The following CTCF variants were observed in gnomAD, a reference collection of about 807,000 sequenced individuals.
CTCF encodes the protein CCCTC-binding factor.
A neutral mutation model predicts 72.3 loss-of-function variants in CTCF; 7 were observed. The ratio of observed to expected loss-of-function variants is 0.10; its 90% CI spans 0.06 to 0.18. The LOEUF (loss-of-function observed/expected upper bound fraction) is 0.18, where lower values mean the gene tolerates loss of function less well. CTCF is among the 10% of genes least tolerant of loss of function. The pLI is 1.00. For missense variants in CTCF, 516 were observed against 949.1 expected, an observed-to-expected ratio of 0.54 and a Z score of 6.00; for synonymous variants, 374 against 315.8, an observed-to-expected ratio of 1.18 and a Z score of -1.95.
chr16:67,573,082 C>G (rs1199475991), intron 2 of CTCF, among the ~76,000 whole-genome samples: 9 of 151,734 alleles, frequency 5.9e-5, no homozygotes, highest in Non-Finnish European at 1.3e-4. Flanking sequence ...GAAACCCCGT[C>G]TCTACTAAAA....
intron 1 of CTCF, among the ~76,000 whole-genome samples, chr16:67,567,677 A>G (rs1340858200): frequency 6.6e-6 from 1 of 150,762 alleles, no homozygotes; most frequent in Non-Finnish European, 1.5e-5. Flanking sequence ...TGCAGCCTTG[A>G]ACTCCTGGGC....
chr16:67,588,697 A>AT (rs2051699902), intron 2 of CTCF, among the ~76,000 whole-genome samples: 2 of 151,772 alleles, frequency 1.3e-5, no homozygotes, highest in African/African-American at 2.4e-5. Flanking sequence ...AATAATATAT[A>AT]TTTTTTTGAT....
intron 7 of CTCF, among the ~76,000 whole-genome samples, chr16:67,623,097 G>T (rs1318252266): frequency 2.0e-5 from 3 of 150,142 alleles, no homozygotes; most frequent in African/African-American, 7.4e-5. Context: ...AAGTGGCTGG[G>T]ACTACAGGTG....
At chr16:67,585,760 A>G (rs942803410) in intron 2 of CTCF, among the ~76,000 whole-genome samples, 70 of 152,306 alleles carry the variant, frequency 4.6e-4, no homozygotes, top group African/African-American at 1.6e-3. Flanking sequence ...AACAGAAGAT[A>G]TCCTAATTCT....
At position 67,611,203 on chromosome 16, in the gene CTCF, T is replaced by C. The variant is rs759539606; in HGVS notation, c.371T>C (p.Val124Ala). The C allele has an allele frequency of 6.2e-7, 1 of 1,614,188 alleles. No individual in the cohort carries two copies. Among genetic ancestry groups the C allele is most frequent in the South Asian group, 1.1e-5 (1 of 91,080 alleles). ...QLVQVPVPVT[V>A]PVATTSVEEL... ...GTTCAAGTACCTGTTCCTGTGACTG[T>C]ACCTGTTGCTACCACTTCAGTAGAA... Residue 124 changes from valine (V) to alanine (A), a missense_variant, in exon 3 of 12, where the codon GTA becomes GCA. By Grantham distance (64) the Val-to-Ala change is moderately conservative. Transcript: ENST00000264010.
chr16:67,566,987 C>T (rs1270604685), intron 1 of CTCF, among the ~76,000 whole-genome samples: 2 of 152,018 alleles, frequency 1.3e-5, no homozygotes, highest in Non-Finnish European at 2.9e-5. Context: ...ATGATCCTGC[C>T]ACCTCAGCCT....
Position 67,620,841 on chromosome 16 carries a change from G to A in CTCF, c.1207+24G>A, listed in dbSNP as rs778350592. 12 of 1,530,034 alleles carry A rather than the reference G, an allele frequency of 7.8e-6. No homozygotes were observed. In the South Asian group the frequency reaches 1.4e-4, roughly 17 times the overall value. The allele number at this position is 1,530,034 out of a possible 1,614,324, so 94.8% of individuals were successfully genotyped here. On this transcript the variant is annotated intron_variant, in intron 6 of 11. Transcript: ENST00000264010. ...AGGTAGGACTTCTCCACTCCTTACT[G>A]TATTAATGAGCTTCTTTTCAGTGAA...
chr16:67,623,676 G>A (rs563152931), intron 7 of CTCF, among the ~76,000 whole-genome samples: 2 of 151,370 alleles, frequency 1.3e-5, no homozygotes, highest in South Asian at 2.1e-4. Context: ...GCTCACACCT[G>A]TAGTTTCAGC....
chr16:67,624,004 C>T (rs1031827237), intron 7 of CTCF, among the ~76,000 whole-genome samples: 9 of 146,492 alleles, frequency 6.1e-5, no homozygotes, highest in East Asian at 2.0e-4. Context: ...GCGGAGATCG[C>T]GCCACGGCAC....
intron 5 of CTCF, among the ~76,000 whole-genome samples, chr16:67,619,943 A>AG (rs1255786656): frequency 6.6e-6 from 1 of 152,086 alleles, no homozygotes; most frequent in Non-Finnish European, 1.5e-5. Flanking sequence ...GGTATCCTGC[A>AG]GGGGACTAAA....
intron 2 of CTCF, among the ~76,000 whole-genome samples, chr16:67,574,045 T>G (rs575960293): frequency 6.6e-5 from 10 of 151,820 alleles, no homozygotes; most frequent in East Asian, 1.9e-4. Flanking sequence ...AAAAAAGACT[T>G]ACGTGACCAA....
chr16:67,589,710 T>C (rs752219672), intron 2 of CTCF, among the ~76,000 whole-genome samples: 6 of 152,174 alleles, frequency 3.9e-5, no homozygotes, highest in Non-Finnish European at 8.8e-5. Context: ...CTACCCCTAG[T>C]ACATATGCTT....
At chr16:67,568,940 C>A (rs770753923) in intron 1 of CTCF, among the ~76,000 whole-genome samples, 1 of 151,598 alleles carries the variant, frequency 6.6e-6, no homozygotes, top group Non-Finnish European at 1.5e-5. Flanking sequence ...TGGGTTCAAG[C>A]GATTCTCCTG....
chr16:67,569,105 C>G (rs1166544239), intron 1 of CTCF, among the ~76,000 whole-genome samples: 1 of 152,144 alleles, frequency 6.6e-6, no homozygotes, highest in Non-Finnish European at 1.5e-5. Context: ...TCCCAAAGTG[C>G]TGGGATTACA....
chr16:67,604,964 A>ATTTTTTTT (rs34873720), intron 2 of CTCF, among the ~76,000 whole-genome samples: 1 of 73,776 alleles, frequency 1.4e-5, no homozygotes, highest in East Asian at 3.6e-4. Context: ...TATAAATGGG[A>ATTTTTTTT]TTTTTTTTTT....
At chr16:67,586,954 T>G (rs1156250006) in intron 2 of CTCF, among the ~76,000 whole-genome samples, 2 of 152,044 alleles carry the variant, frequency 1.3e-5, no homozygotes, top group Non-Finnish European at 2.9e-5. Context: ...CCACCATGCC[T>G]GACTAGTTTT....
At chr16:67,590,185 T>A (rs1238642252) in intron 2 of CTCF, among the ~76,000 whole-genome samples, 1 of 152,044 alleles carries the variant, frequency 6.6e-6, no homozygotes, top group Non-Finnish European at 1.5e-5. Context: ...GAAAGAATTA[T>A]TGTCTAGCCT....
Position 67,637,972 on chromosome 16 carries a change from G to T in CTCF, c.*100G>T. 8.8e-7 allele frequency: 1 copy of T among 1,135,178 alleles called. No homozygotes were observed. Among genetic ancestry groups the T allele is most frequent in the Non-Finnish European group, 1.2e-6 (1 of 822,558 alleles). 70.3% of individuals were successfully genotyped at this position (1,135,178 alleles called of 1,614,324 possible). A position where few individuals can be genotyped will look rare whatever the true frequency, so the allele number is the denominator to read the frequency against. On this transcript the variant is annotated 3_prime_UTR_variant, in exon 12 of 12. Coordinates refer to ENST00000264010, the MANE Select transcript of CTCF (RefSeq NM_006565.4). The stretch of plus-strand genomic sequence containing the variant: ...CTTTCTTTTTTTGGCTTTGGGAAAA[G>T]CATCATTTTACCAAACATACCGAGA...
At chr16:67,592,128 T>C (rs1451372994) in intron 2 of CTCF, among the ~76,000 whole-genome samples, 1 of 152,198 alleles carries the variant, frequency 6.6e-6, no homozygotes, top group East Asian at 1.9e-4. Context: ...TAAAGATCTA[T>C]CGACTGGACG....
Sources: gnomAD v4.1 joint callset for allele counts (sites outside exome capture counted in the v4.1 genomes callset) on GRCh38, gnomAD v4.1.1 for gene constraint, MANE v1.5 for transcripts, NCBI Gene and HGNC (gene_info 2026-07-23, HGNC 2026-07-21) for gene names.